MYO18A: variants seen among roughly 807,000 people sequenced by gnomAD.
MYO18A encodes unconventional myosin-XVIIIa.
A neutral mutation model predicts 235.8 loss-of-function variants in MYO18A; 78 were observed. The observed-to-expected ratio is 0.33, with a 90% CI of 0.28 to 0.40. The LOEUF is 0.40. Ranked by LOEUF, MYO18A falls within the 10% of genes least tolerant of loss-of-function variation. The pLI is 1.00. For missense variants in MYO18A, 2,215 were observed against 2,699.3 expected, an observed-to-expected ratio of 0.82 and a Z score of 3.98; for synonymous variants, 977 against 1,077.8, an observed-to-expected ratio of 0.91 and a Z score of 1.83.
intron 7 of MYO18A, 111 bp from the exon 8 acceptor site, chr17:29,119,546 C>A: frequency 3.2e-6 from 2 of 630,882 alleles, no homozygotes; most frequent in Admixed American, 3.6e-5. Flanking sequence ...GGGGAACAAG[C>A]AGCTGCATTT....
chr17:29,176,568 T>A (rs1810011698), intron 1 of MYO18A: 1 of 150,688 alleles, frequency 6.6e-6, no homozygotes, highest in African/African-American at 2.4e-5. Context: ...CCTTGGCCTC[T>A]GACCTCCCTG....
At position 29,121,258 on chromosome 17, in the gene MYO18A, C is replaced by A; in HGVS notation, c.1372-47G>T. ...GAGAAGGGGTTGGCTCTTAGCTGATCCCATTAAGACACCCCTCACCCCCAA... is the reference window on the plus strand; with the variant it reads ...GAGAAGGGGTTGGCTCTTAGCTGATACCATTAAGACACCCCTCACCCCCAA... On this transcript the variant is annotated intron_variant, in intron 5 of 41. Coordinates refer to ENST00000527372, the MANE Select transcript of MYO18A (RefSeq NM_078471.4). This position sits in a 1 kb window ranked among gnomAD's most constrained non-coding sequence, Gnocchi z 4.2. The A allele has an allele frequency of 1.3e-6, 2 of 1,539,206 alleles. No individual in the cohort carries two copies. The highest frequency in any genetic ancestry group is 1.8e-6 in the Non-Finnish European group (2 of 1,134,674).
chr17:29,148,838 C>A (rs2067905192), intron 2 of MYO18A, among the ~76,000 whole-genome samples: 1 of 152,318 alleles, frequency 6.6e-6, no homozygotes, highest in Non-Finnish European at 1.5e-5. Flanking sequence ...CCCAGGGCCA[C>A]CCCAGCCACT....
intron 32 of MYO18A, 56 bp from the exon 33 acceptor site, chr17:29,093,057 T>G: frequency 6.4e-7 from 1 of 1,568,420 alleles, no homozygotes; most frequent in Non-Finnish European, 8.6e-7. Context: ...TCCTCCTATC[T>G]TCCCCAAGCT....
At position 29,109,550 on chromosome 17, in the gene MYO18A, A is replaced by C. The variant is rs2066876522; in HGVS notation, c.3331+308T>G. Among the ~76,000 whole-genome samples the C allele has an allele frequency of 6.6e-6, 1 of 152,210 alleles. No individual in the cohort carries two copies. The highest frequency in any genetic ancestry group is 2.4e-5 in the African/African-American group (1 of 41,460). On this transcript the variant is annotated intron_variant, in intron 19 of 41. Coordinates refer to ENST00000527372, the MANE Select transcript of MYO18A (RefSeq NM_078471.4). This position sits in a 1 kb window ranked among gnomAD's most constrained non-coding sequence, Gnocchi z 4.1. ...TGCTGTGGGCAAAGCTGAACTGTCCAAACTAGGGACGTGGGAAGAAAGGGA... is the reference window on the plus strand; with the variant it reads ...TGCTGTGGGCAAAGCTGAACTGTCCCAACTAGGGACGTGGGAAGAAAGGGA...
intron 2 of MYO18A, 55 bp downstream of exon 2, chr17:29,165,887 G>A (rs936224612): frequency 7.0e-5 from 106 of 1,519,096 alleles, no homozygotes; most frequent in Middle Eastern, 5.2e-4. Context: ...AGTCAAGCAG[G>A]AGGTGCCCAC....
At chr17:29,141,251 A>G (rs2067733202) in intron 2 of MYO18A, among the ~76,000 whole-genome samples, 1 of 152,270 alleles carries the variant, frequency 6.6e-6, no homozygotes, top group African/African-American at 2.4e-5. Flanking sequence ...GTGAAGAGAA[A>G]TCCTGGCCTG....
rs995264290 is a variant in MYO18A, at chr17:29,117,987, G to A, written c.2038+58C>T. On this transcript the variant is annotated intron_variant, in intron 10 of 41. Coordinates refer to ENST00000527372, the MANE Select transcript of MYO18A (RefSeq NM_078471.4). The surrounding 1 kb of genome is among the most constrained non-coding windows in gnomAD (Gnocchi z 4.6). ...GCAAGAATAAACTGGGAGTGGGCAG[G>A]GTCCCTGTGAGGTCACCCAGGGGAC... 1.3e-6 allele frequency: 2 copies of A among 1,536,064 alleles called. No homozygotes were observed.
chr17:29,111,554 G>C lies in MYO18A; in HGVS notation c.2770C>G (p.Pro924Ala). ...CTGTGGCCCAGGAGAAAGTGGTGTGGTTTGCTGCTGTGCAGAAGGGGGCTT... is the reference window on the plus strand; with the variant it reads ...CTGTGGCCCAGGAGAAAGTGGTGTGCTTTGCTGCTGTGCAGAAGGGGGCTT... ...GQSPLLHSSK[P>A]HHFLLGHSHG... is the part of the protein sequence containing the mutation. The change falls in exon 17 of 42, where the codon CCA becomes GCA. Residue 924 changes from proline to alanine, a missense_variant. By Grantham distance (27) the Pro-to-Ala change is conservative. Coordinates refer to ENST00000527372, the MANE Select transcript of MYO18A (RefSeq NM_078471.4). This position sits in a 1 kb window ranked among gnomAD's most constrained non-coding sequence, Gnocchi z 5.1. 6.2e-7 allele frequency: 1 copy of C among 1,613,884 alleles called. No individual in the cohort carries two copies. Among genetic ancestry groups the C allele is most frequent in the South Asian group, 1.1e-5 (1 of 91,074 alleles).
In MYO18A at chr17:29,158,840, A is replaced by AC. The variant is rs914599721; in HGVS notation, c.999+7101dup. On this transcript the variant is annotated intron_variant, in intron 2 of 41. Coordinates refer to ENST00000527372, the MANE Select transcript of MYO18A (RefSeq NM_078471.4). This position sits in a 1 kb window ranked among gnomAD's most constrained non-coding sequence, Gnocchi z 4.3. ...CTCCCCTTCACCCTACTCCCCACTC[A>AC]CCCCCAGTCAGGGTGTTTGCATATC... 9.9e-5 allele frequency among the ~76,000 whole-genome samples: 15 copies of AC among 151,338 alleles called. No homozygotes were observed. The highest frequency in any genetic ancestry group is 3.4e-4 in the African/African-American group (14 of 41,110).
intron 2 of MYO18A, among the ~76,000 whole-genome samples, chr17:29,147,333 A>G (rs1378982326): frequency 6.6e-6 from 1 of 152,078 alleles, no homozygotes; most frequent in African/African-American, 2.4e-5. Context: ...CCTGGGCAAC[A>G]TGGCAAAATC....
intron 1 of MYO18A, among the ~76,000 whole-genome samples, chr17:29,172,009 T>C (rs1431676116): frequency 6.6e-6 from 1 of 152,090 alleles, no homozygotes; most frequent in East Asian, 1.9e-4. Context: ...ATGGAGGGTA[T>C]TCGTTGCAAA....
At chr17:29,087,238 C>T in intron 37 of MYO18A, 117 bp from the exon 38 acceptor site, 1 of 1,074,658 alleles carries the variant, frequency 9.3e-7, no homozygotes. Context: ...CTCCACCGTT[C>T]ATTGGCTACC....
rs766558141 is a variant in MYO18A at position 29,118,334 on chromosome 17, C to G, written c.1893+43G>C. On this transcript the variant is annotated intron_variant, in intron 9 of 41. Coordinates refer to ENST00000527372, the MANE Select transcript of MYO18A (RefSeq NM_078471.4). This position sits in a 1 kb window ranked among gnomAD's most constrained non-coding sequence, Gnocchi z 4.2. ...GGACCCATGGAGGCTTCTCCTACCC[C>G]CAAGGCCCAGGGCTGGCAACCCAGA... 11 of 1,583,846 alleles carry G rather than the reference C, an allele frequency of 6.9e-6. No individual in the cohort carries two copies. The highest frequency in any genetic ancestry group is 6.9e-6 in the Non-Finnish European group (8 of 1,158,426).
At position 29,105,900 on chromosome 17, in the gene MYO18A, C is replaced by T. The variant is rs188258996; in HGVS notation, c.3441+1180G>A. On this transcript the variant is annotated intron_variant, in intron 20 of 41. Transcript: ENST00000527372. ...GGGAGCCCAAAGCAAGGAGTGCAGA[C>T]ACCCAGAGGCTGGCGCTTCGGTGGG... 5.3e-3 allele frequency among the ~76,000 whole-genome samples: 803 copies of T among 152,244 alleles called. 6 individuals are homozygous for T. The highest frequency in any genetic ancestry group is 0.014 in the South Asian group (69 of 4,824).
intron 10 of MYO18A, among the ~76,000 whole-genome samples, chr17:29,116,721 ACCCTCCC>A (rs2067078618): frequency 2.9e-4 from 1 of 3,454 alleles, no homozygotes; most frequent in Non-Finnish European, 6.8e-4. Flanking sequence ...GCGCAAACAC[ACCCTCCC>A]CCCCCCCCCC....
At chr17:29,108,613 A>T (rs2066850516) in intron 19 of MYO18A, among the ~76,000 whole-genome samples, 1 of 152,218 alleles carries the variant, frequency 6.6e-6, no homozygotes, top group African/African-American at 2.4e-5. Flanking sequence ...GCTCCACAGC[A>T]ATGACGGGCT....
chr17:29,137,997 G>A (rs1000606461), intron 2 of MYO18A, among the ~76,000 whole-genome samples: 16 of 152,170 alleles, frequency 1.1e-4, no homozygotes, highest in Non-Finnish European at 1.9e-4. Flanking sequence ...GAAATGTACT[G>A]AGGGACTGTC....
At position 29,140,248 on chromosome 17, in the gene MYO18A, G is replaced by GA; in HGVS notation, c.1000-17996dup. On this transcript the variant is annotated intron_variant, in intron 2 of 41. Transcript: ENST00000527372. This position sits in a 1 kb window ranked among gnomAD's most constrained non-coding sequence, Gnocchi z 4.2. ...CCCACCTACTTCAGCCACATCTGGG[G>GA]AAATCACAAAAAGGTCCCTCCTTTC... 2.1e-6 allele frequency: 2 copies of GA among 947,940 alleles called. No homozygotes were observed. Among genetic ancestry groups the GA allele is most frequent in the Non-Finnish European group, 2.7e-6 (2 of 732,966 alleles). The allele number at this position is 947,940 out of a possible 1,614,324, so 58.7% of individuals were successfully genotyped here. A position where few individuals can be genotyped will look rare whatever the true frequency, so the allele number is the denominator to read the frequency against.
Sources: gnomAD v4.1 joint callset for allele counts (sites outside exome capture counted in the v4.1 genomes callset) on GRCh38, gnomAD v4.1.1 for gene constraint, Gnocchi (gnomAD v3.1) non-coding constraint, MANE v1.5 for transcripts, NCBI Gene and HGNC (gene_info 2026-07-23, HGNC 2026-07-21) for gene names.